CYP19A1: variants seen among roughly 807,000 people sequenced by gnomAD.
CYP19A1 encodes the protein cytochrome P450 family 19 subfamily A member 1.
Under a neutral mutation model 44.4 loss-of-function variants are expected in CYP19A1, and 32 were observed. That is an observed-to-expected ratio of 0.72 (90% confidence interval 0.54 to 0.97). The LOEUF (loss-of-function observed/expected upper bound fraction) is 0.97, where lower values mean the gene tolerates loss of function less well. Among genes scored for constraint, CYP19A1 ranks in the 50% least tolerant of loss-of-function variants. The pLI is 0.00. For missense variants in CYP19A1, 598 were observed against 637.8 expected (o/e 0.94, Z 0.67); for synonymous variants, 212 against 215.6 (o/e 0.98, Z 0.14).
intron 1 of CYP19A1, among the ~76,000 whole-genome samples, chr15:51,254,141 G>A (rs952485955): frequency 6.6e-6 from 1 of 152,164 alleles, no homozygotes; most frequent in Non-Finnish European, 1.5e-5. Flanking sequence ...AGTGATACGA[G>A]GAAAGTAAAG....
chr15:51,234,357 T>G (rs531335680), intron 3 of CYP19A1, among the ~76,000 whole-genome samples: 1 of 152,020 alleles, frequency 6.6e-6, no homozygotes, highest in East Asian at 1.9e-4. Context: ...GTAGTGTGGG[T>G]GGGTTGTGGC....
chr15:51,328,289 A>C (rs1461257470), intron 1 of CYP19A1, among the ~76,000 whole-genome samples: 1 of 152,220 alleles, frequency 6.6e-6, no homozygotes, highest in East Asian at 1.9e-4. Context: ...AGATCCACCT[A>C]TGTATAAACA....
intron 3 of CYP19A1, among the ~76,000 whole-genome samples, chr15:51,230,718 A>C (rs1451815830): frequency 6.6e-6 from 1 of 150,468 alleles, no homozygotes; most frequent in Non-Finnish European, 1.5e-5. Context: ...TCCCAGGTTC[A>C]AGCAATTCTC....
intron 1 of CYP19A1, among the ~76,000 whole-genome samples, chr15:51,306,031 G>A (rs1363627354): frequency 6.6e-6 from 1 of 152,284 alleles, no homozygotes; most frequent in Non-Finnish European, 1.5e-5. Context: ...TTCTGTCAGA[G>A]GTGTTGAAAT....
chr15:51,289,588 G>A (rs2140985816), intron 1 of CYP19A1, among the ~76,000 whole-genome samples: 1 of 152,252 alleles, frequency 6.6e-6, no homozygotes, highest in South Asian at 2.1e-4. Flanking sequence ...GCAGGTGTTT[G>A]CCTGCAGCTT....
chr15:51,294,090 G>C (rs930873441), intron 1 of CYP19A1, among the ~76,000 whole-genome samples: 4 of 136,672 alleles, frequency 2.9e-5, no homozygotes, highest in African/African-American at 1.3e-4. Context: ...CTGCCCGGCC[G>C]CCATCCTGTC....
At chr15:51,321,045 T>C (rs933369446) in intron 1 of CYP19A1, 1 of 152,004 alleles carries the variant, frequency 6.6e-6, no homozygotes, top group African/African-American at 2.4e-5. Flanking sequence ...AATGGGTGGG[T>C]TCTCTCCACC....
intron 2 of CYP19A1, among the ~76,000 whole-genome samples, chr15:51,240,765 G>T (rs918009301): frequency 9.9e-5 from 15 of 152,190 alleles, no homozygotes; most frequent in African/African-American, 3.1e-4. Flanking sequence ...ACTTCCTGGT[G>T]GTCCCCCTAC....
At chr15:51,315,254 C>T (rs190914198) in intron 1 of CYP19A1, among the ~76,000 whole-genome samples, 41 of 152,282 alleles carry the variant, frequency 2.7e-4, no homozygotes, top group African/African-American at 7.2e-4. Flanking sequence ...GAAGGTTATG[C>T]GTGCTTCTGC....
intron 1 of CYP19A1, among the ~76,000 whole-genome samples, chr15:51,330,302 C>T (rs776430901): frequency 2.6e-5 from 4 of 151,924 alleles, no homozygotes; most frequent in Non-Finnish European, 2.9e-5. Context: ...ACAGCGACAT[C>T]GTTGAGGTGT....
Position 51,336,484 on chromosome 15 carries a change from G to A in CYP19A1, c.-39+2011C>T, listed in dbSNP as rs139656279. Among the ~76,000 whole-genome samples, 498 of 152,170 alleles carry A rather than the reference G, an allele frequency of 3.3e-3. 5 individuals carry two copies. Among genetic ancestry groups the A allele is most frequent in the Admixed American group, 0.027 (413 of 15,278 alleles). On this transcript the variant is annotated intron_variant, in intron 1 of 9. Transcript: ENST00000396402. The stretch of plus-strand genomic sequence containing the variant: ...AGATGCATGTGGTGACAACTTTTAG[G>A]GTGGCTCTCTCCCTAATCACCAGTG...
At position 51,215,234 on chromosome 15, in the gene CYP19A1, T is replaced by C. The variant is rs754344873; in HGVS notation, c.859-2A>G. ...CTCTCTTGTCAGGTCACCACGTTTCTGAACAATTGGAAGATGGGAAAAATT... is the reference window on the plus strand; with the variant it reads ...CTCTCTTGTCAGGTCACCACGTTTCCGAACAATTGGAAGATGGGAAAAATT... On this transcript the variant is annotated splice_acceptor_variant, in intron 7 of 9. Transcript: ENST00000396402. LOFTEE classifies it high-confidence loss of function. The C allele has an allele frequency of 6.2e-7, 1 of 1,614,016 alleles. No homozygotes were observed. Among genetic ancestry groups the C allele is most frequent in the South Asian group, 1.1e-5 (1 of 91,076 alleles).
chr15:51,230,374 G>A (rs1308278332), intron 3 of CYP19A1, among the ~76,000 whole-genome samples: 2 of 152,160 alleles, frequency 1.3e-5, no homozygotes, highest in South Asian at 2.1e-4. Flanking sequence ...GCCTCAGCAG[G>A]GACAGTGCAC....
At chr15:51,321,343 C>T (rs9282666) in intron 1 of CYP19A1, among the ~76,000 whole-genome samples, 7,063 of 152,216 alleles carry the variant, frequency 0.046, 556 homozygotes, top group African/African-American at 0.16. Context: ...GGGGAGCCCA[C>T]CACACTTTCC....
chr15:51,277,153 A>G (rs1351446126), intron 1 of CYP19A1: 2 of 152,138 alleles, frequency 1.3e-5, no homozygotes, highest in East Asian at 3.8e-4. Flanking sequence ...TGAAACTGCA[A>G]TTTTCTAGTC....
intron 2 of CYP19A1, among the ~76,000 whole-genome samples, chr15:51,240,416 T>G (rs1362566731): frequency 6.6e-6 from 1 of 152,150 alleles, no homozygotes; most frequent in East Asian, 1.9e-4. Flanking sequence ...GAAACTGCTT[T>G]GTAAATTATA....
At chr15:51,229,973 T>C (rs894621507) in intron 3 of CYP19A1, among the ~76,000 whole-genome samples, 6 of 152,212 alleles carry the variant, frequency 3.9e-5, no homozygotes, top group African/African-American at 1.4e-4. Context: ...TAGTTATTAG[T>C]AATAAAGAGC....
intron 1 of CYP19A1, among the ~76,000 whole-genome samples, chr15:51,261,006 T>C (rs2034696005): frequency 6.6e-6 from 1 of 152,144 alleles, no homozygotes; most frequent in Non-Finnish European, 1.5e-5. Context: ...AGACCCACCA[T>C]TGACTCCCAC....
intron 1 of CYP19A1, among the ~76,000 whole-genome samples, chr15:51,320,015 TCTTA>T (rs2036499418): frequency 6.6e-6 from 1 of 152,232 alleles, no homozygotes; most frequent in Admixed American, 6.5e-5. Context: ...GTATATTAAC[TCTTA>T]CTTTCTACAA....
Sources: allele counts gnomAD v4.1 joint callset (sites outside exome capture counted in the v4.1 genomes callset), GRCh38; gene constraint gnomAD v4.1.1; transcripts MANE v1.5; gene names NCBI Gene and HGNC (gene_info 2026-07-23, HGNC 2026-07-21).